NCALD: variants seen among roughly 807,000 people sequenced by gnomAD.
NCALD encodes the protein neurocalcin delta.
Under a neutral mutation model 18.6 loss-of-function variants are expected in NCALD, and 10 were observed. The ratio of observed to expected loss-of-function variants is 0.54; its 90% CI spans 0.33 to 0.91. The LOEUF (loss-of-function observed/expected upper bound fraction) is 0.91, where lower values mean the gene tolerates loss of function less well. Among genes scored for constraint, NCALD ranks in the 40% least tolerant of loss-of-function variants. The pLI is 0.03. For synonymous variants in NCALD, 88 were observed against 87.4 expected, an observed-to-expected ratio of 1.01 and a Z score of -0.04; for missense variants, 184 against 247.6, an observed-to-expected ratio of 0.74 and a Z score of 1.72.
chr8:102,050,033 G>A (rs1010158803), intron 1 of NCALD, among the ~76,000 whole-genome samples: 6 of 149,642 alleles, frequency 4.0e-5, no homozygotes, highest in Admixed American at 1.3e-4. Context: ...GCGGTGGCGG[G>A]CGCCTGTAGT....
At chr8:101,761,675 G>T (rs78143022) in intron 1 of NCALD, among the ~76,000 whole-genome samples, 2,007 of 152,236 alleles carry the variant, frequency 0.013, 52 homozygotes, top group African/African-American at 0.045. Context: ...GCTAATCAGG[G>T]ACTTATTTGT....
chr8:102,055,991 T>A (rs1823637577), intron 1 of NCALD, among the ~76,000 whole-genome samples: 1 of 152,200 alleles, frequency 6.6e-6, no homozygotes, highest in South Asian at 2.1e-4. Flanking sequence ...CTTAGTGATC[T>A]TTTAGAGTGT....
chr8:101,893,121 A>G (rs1306037470), intron 3 of NCALD, among the ~76,000 whole-genome samples: 44 of 151,552 alleles, frequency 2.9e-4, no homozygotes, highest in South Asian at 2.1e-4. Context: ...GAGAAAGGTC[A>G]GGTTACCCAC....
chr8:102,008,969 A>ACACACACACACACAC (rs1215721845), intron 2 of NCALD, among the ~76,000 whole-genome samples: 1 of 111,802 alleles, frequency 8.9e-6, no homozygotes, highest in Non-Finnish European at 1.8e-5. Flanking sequence ...CACACACACA[A>ACACACACACACACAC]GCCCTAAAAG....
intron 3 of NCALD, among the ~76,000 whole-genome samples, chr8:101,912,001 T>C (rs1013316281): frequency 6.6e-6 from 1 of 152,150 alleles, no homozygotes; most frequent in African/African-American, 2.4e-5. Flanking sequence ...TAAAGAACAA[T>C]CAGGAAAAAT....
At chr8:102,048,651 ATG>A (rs950501578) in intron 1 of NCALD, among the ~76,000 whole-genome samples, 8 of 152,208 alleles carry the variant, frequency 5.3e-5, no homozygotes, top group Non-Finnish European at 8.8e-5. Context: ...TGACATGTAT[ATG>A]TGTGTGTGTC....
At chr8:102,096,688 A>G (rs986071883) in intron 1 of NCALD, among the ~76,000 whole-genome samples, 11 of 152,152 alleles carry the variant, frequency 7.2e-5, no homozygotes, top group Non-Finnish European at 1.5e-4. Context: ...CTTCATTTAC[A>G]TGAGGTGAGC....
chr8:102,099,596 A>G (rs1825208060), intron 1 of NCALD, among the ~76,000 whole-genome samples: 1 of 151,834 alleles, frequency 6.6e-6, no homozygotes, highest in Non-Finnish European at 1.5e-5. Flanking sequence ...CTTCTGTCAG[A>G]TAATGACATT....
At chr8:101,914,163 T>TCTTGATTGTGACTATCTCTCAGA (rs1395665443) in intron 3 of NCALD, among the ~76,000 whole-genome samples, 2 of 152,248 alleles carry the variant, frequency 1.3e-5, no homozygotes, top group Non-Finnish European at 2.9e-5. Context: ...CTTAGGCTTC[T>TCTTGATTGTGACTATCTCTCAGA]CTTGATTGTG....
At chr8:101,891,660 C>T (rs564048500) in intron 3 of NCALD, among the ~76,000 whole-genome samples, 26 of 152,322 alleles carry the variant, frequency 1.7e-4, no homozygotes, top group African/African-American at 4.8e-4. Flanking sequence ...GTGCGTGCAC[C>T]GAGTGCGAGC....
At chr8:102,102,593 C>T (rs1418260060) in intron 1 of NCALD, among the ~76,000 whole-genome samples, 1 of 152,118 alleles carries the variant, frequency 6.6e-6, no homozygotes, top group Non-Finnish European at 1.5e-5. Flanking sequence ...GAGCAGAACC[C>T]GGAGCCCAGC....
At chr8:101,732,488 G>T (rs773100071) in intron 1 of NCALD, among the ~76,000 whole-genome samples, 8 of 150,896 alleles carry the variant, frequency 5.3e-5, no homozygotes, top group Non-Finnish European at 1.0e-4. Context: ...CAGCTTCCTG[G>T]TTTAGAAAGA....
At chr8:101,853,720 C>G (rs562822) in intron 4 of NCALD, among the ~76,000 whole-genome samples, 57,997 of 151,940 alleles carry the variant, frequency 0.38, 13,711 homozygotes, top group African/African-American at 0.66. Context: ...GGAGAGTAGT[C>G]CTTGTTCTTT....
intron 4 of NCALD, among the ~76,000 whole-genome samples, chr8:101,842,559 T>A (rs1814687565): frequency 6.6e-6 from 1 of 152,248 alleles, no homozygotes; most frequent in Non-Finnish European, 1.5e-5. Context: ...TTTGGAATTA[T>A]CCTTATGTTA....
chr8:101,832,521 T>G (rs1236828113), intron 4 of NCALD, among the ~76,000 whole-genome samples: 2 of 152,228 alleles, frequency 1.3e-5, no homozygotes, highest in African/African-American at 4.8e-5. Context: ...CATGTTAGAA[T>G]CTATGCATGG....
intron 1 of NCALD, among the ~76,000 whole-genome samples, chr8:102,114,643 C>T (rs1179883437): frequency 6.6e-6 from 1 of 152,196 alleles, no homozygotes; most frequent in Non-Finnish European, 1.5e-5. Flanking sequence ...CTGCAGCTTG[C>T]AACCCAGTGG....
At chr8:101,736,359 C>T (rs1809915157) in intron 1 of NCALD, among the ~76,000 whole-genome samples, 1 of 152,166 alleles carries the variant, frequency 6.6e-6, no homozygotes, top group South Asian at 2.1e-4. Flanking sequence ...AAGTCTTTCC[C>T]TAGTTTATTC....
At chr8:101,786,053 C>CTGTGGGAAA (rs1812212206) in intron 1 of NCALD, 1 of 152,232 alleles carries the variant, frequency 6.6e-6, no homozygotes, top group African/African-American at 2.4e-5. Context: ...GCCAGTGTGG[C>CTGTGGGAAA]TGTGGGAAAG....
chr8:101,860,957 T>C (rs746968139), intron 4 of NCALD, among the ~76,000 whole-genome samples: 3 of 152,174 alleles, frequency 2.0e-5, no homozygotes, highest in Non-Finnish European at 4.4e-5. Context: ...AGTCAATATT[T>C]AGAATGAAAT....
Sources: gnomAD v4.1 joint callset for allele counts (sites outside exome capture counted in the v4.1 genomes callset) on GRCh38, gnomAD v4.1.1 for gene constraint, MANE v1.5 for transcripts, NCBI Gene and HGNC (gene_info 2026-07-23, HGNC 2026-07-21) for gene names.